Variants in NASP observed in about 807,000 individuals in gnomAD.
The protein encoded by NASP is NASP histone chaperone.
In NASP, 24 loss-of-function variants were observed where a neutral mutation model predicts 89.5. The ratio of observed to expected loss-of-function variants is 0.27; its 90% CI spans 0.19 to 0.38. The LOEUF (loss-of-function observed/expected upper bound fraction) is 0.38, where lower values mean the gene tolerates loss of function less well. Among genes scored for constraint, NASP ranks in the 10% least tolerant of loss-of-function variants. NASP has a pLI of 1.00. For synonymous variants in NASP, 306 were observed against 324.7 expected, an observed-to-expected ratio of 0.94 and a Z score of 0.62; for missense variants, 848 against 921.4, an observed-to-expected ratio of 0.92 and a Z score of 1.03.
At chr1:45,589,305 G>C (rs1643455543) in intron 1 of NASP, among the ~76,000 whole-genome samples, 1 of 151,874 alleles carries the variant, frequency 6.6e-6, no homozygotes. Flanking sequence ...TTTTATTTTT[G>C]GTAGAGATAG....
In NASP at chr1:45,586,284, GGTGTGTGTGTGTGTGTGTGTGTGTGGT is replaced by G. The variant is rs1405566470; in HGVS notation, c.59+2092_59+2118del. Among the ~76,000 whole-genome samples the G allele has an allele frequency of 7.0e-5, 7 of 100,534 alleles. No homozygotes were observed. In the East Asian group the frequency reaches 1.1e-3, roughly 16 times the overall value. The allele number at this position is 100,534 out of a possible 152,430, so 66.0% of individuals were successfully genotyped here. ...TGTGTGTGTGTGTGTGTGTGTGTGT[GGTGTGTGTGTGTGTGTGTGTGTGTGGT>G]GTGTGTGTGTGTCACCCAGGCTGGA... On this transcript the variant is annotated intron_variant, in intron 1 of 14. Transcript: ENST00000350030.
chr1:45,605,194 T>G (rs1345723520), intron 4 of NASP, among the ~76,000 whole-genome samples, 178 bp downstream of exon 4: 1 of 152,224 alleles, frequency 6.6e-6, no homozygotes, highest in Non-Finnish European at 1.5e-5. Context: ...AAGTTTTGAC[T>G]TTTGGAGTCA....
intron 1 of NASP, among the ~76,000 whole-genome samples, chr1:45,587,823 C>T (rs1380824274): frequency 6.6e-6 from 1 of 150,670 alleles, no homozygotes; most frequent in Non-Finnish European, 1.5e-5. Flanking sequence ...GCTGAGACTA[C>T]AGTTTACAAA....
chr1:45,591,240 C>T lies in NASP; in HGVS notation c.77C>T (p.Ala26Val), dbSNP rs1414384978. ...VSADKIEDVP[A>V]PSTSADKVES... ...TATTACAGAATTGAAGATGTTCCTGCTCCTTCTACATCTGCAGATAAAGTG... is the reference window on the plus strand; with the variant it reads ...TATTACAGAATTGAAGATGTTCCTGTTCCTTCTACATCTGCAGATAAAGTG... The change falls in exon 2 of 15, where the codon GCT becomes GTT. Residue 26 changes from alanine to valine, a missense_variant. Physicochemically the swap from Ala to Val is moderately conservative, Grantham distance 64. Transcript: ENST00000350030. The T allele has an allele frequency of 1.9e-6, 3 of 1,544,480 alleles. No individual in the cohort carries two copies. The highest frequency in any genetic ancestry group is 8.7e-7 in the Non-Finnish European group (1 of 1,148,350).
intron 1 of NASP, among the ~76,000 whole-genome samples, chr1:45,586,422 A>G (rs1319310990): frequency 1.3e-5 from 2 of 151,698 alleles, no homozygotes; most frequent in African/African-American, 4.8e-5. Context: ...AGTAGCTGGG[A>G]CTGCAGGCGC....
At position 45,601,170 on chromosome 1, in the gene NASP, G is replaced by A. The variant is rs934519498; in HGVS notation, c.108-1085G>A. On this transcript the variant is annotated intron_variant, in intron 2 of 14. Coordinates refer to ENST00000350030, the MANE Select transcript of NASP (RefSeq NM_002482.4). ...AAACCAAGTTTTTCATTTTAGTGGT[G>A]TGTCTAGTTTATTGATTTTTTTTCC... Among the ~76,000 whole-genome samples, 5 of 152,052 alleles carry A rather than the reference G, an allele frequency of 3.3e-5. No individual in the cohort carries two copies. The East Asian group carries it at 9.6e-4, about 29-fold the overall frequency.
intron 3 of NASP, among the ~76,000 whole-genome samples, chr1:45,604,306 T>A (rs188804333): frequency 8.5e-5 from 13 of 152,242 alleles, no homozygotes; most frequent in Non-Finnish European, 1.6e-4. Context: ...TTCTTCCTTC[T>A]GTCTAGATAT....
At chr1:45,610,884 T>C (rs1164642934) in intron 6 of NASP, 1 of 152,190 alleles carries the variant, frequency 6.6e-6, no homozygotes, top group Non-Finnish European at 1.5e-5. Flanking sequence ...CCCGACTAAT[T>C]TTTTTGTATT....
At chr1:45,602,788 T>C (rs1643868994) in intron 3 of NASP, among the ~76,000 whole-genome samples, 1 of 152,120 alleles carries the variant, frequency 6.6e-6, no homozygotes, top group African/African-American at 2.4e-5. Context: ...GCCCAGCTAA[T>C]TTTTGTATTT....
intron 6 of NASP, chr1:45,612,928 ACACT>A (rs1003462203): frequency 2.7e-6 from 1 of 367,150 alleles, no homozygotes; most frequent in Non-Finnish European, 4.6e-6. Context: ...TATAAGAGAA[ACACT>A]CAGCCTTTTA....
intron 1 of NASP, among the ~76,000 whole-genome samples, chr1:45,585,198 G>A (rs995421605): frequency 3.3e-5 from 5 of 152,182 alleles, no homozygotes; most frequent in Admixed American, 3.3e-4. Flanking sequence ...AACAAGTGCT[G>A]TTTCCCATAC....
rs778838858 is a variant in NASP at position 45,615,182 on chromosome 1, A to C, written c.1836A>C (p.Glu612Asp). The change falls in exon 10 of 15, where the codon GAA (glutamate) becomes GAC (aspartate). Residue 612 changes from glutamate (E) to aspartate (D), a missense_variant. Physicochemically the swap from Glu to Asp is conservative, Grantham distance 45. Transcript: ENST00000350030. ...TGGCACAGTTCAGCAAATCTATTGA[A>C]GTCATTGAGAACAGAATGGGTGAGT... ...EAVAQFSKSIEVIENRMAVLN... is the reference protein window; with the variant it reads ...EAVAQFSKSIDVIENRMAVLN... 7.4e-6 allele frequency: 12 copies of C among 1,614,040 alleles called. No homozygotes were observed. In the East Asian group the frequency reaches 2.5e-4, roughly 33 times the overall value.
intron 11 of NASP, 37 bp from the exon 12 acceptor site, chr1:45,616,300 T>C (rs752568590): frequency 1.2e-6 from 2 of 1,605,366 alleles, no homozygotes; most frequent in African/African-American, 1.3e-5. Flanking sequence ...GCCTGGGTTC[T>C]ATCTTCAAAC....
At chr1:45,613,925 T>C (rs1399939643) in intron 7 of NASP, among the ~76,000 whole-genome samples, 171 bp from the exon 8 acceptor site, 1 of 152,336 alleles carries the variant, frequency 6.6e-6, no homozygotes, top group African/African-American at 2.4e-5. Flanking sequence ...TGTTAAAATA[T>C]CAGTGACATG....
At chr1:45,613,066 G>A in intron 6 of NASP, 103 bp from the exon 7 acceptor site, 1 of 1,436,906 alleles carries the variant, frequency 7.0e-7, no homozygotes, top group Non-Finnish European at 9.2e-7. Flanking sequence ...TTAGCATCTG[G>A]CCTGTCCTAT....
At chr1:45,614,535 TTTG>T (rs1195067285) in intron 9 of NASP, among the ~76,000 whole-genome samples, 169 bp downstream of exon 9, 2 of 71,506 alleles carry the variant, frequency 2.8e-5, no homozygotes, top group Admixed American at 2.6e-4. Flanking sequence ...TTCCAGTAGG[TTTG>T]TTTTGTTTTG....
At chr1:45,602,562 G>A (rs1643866592) in intron 3 of NASP, among the ~76,000 whole-genome samples, 197 bp downstream of exon 3, 1 of 151,724 alleles carries the variant, frequency 6.6e-6, no homozygotes, top group Non-Finnish European at 1.5e-5. Flanking sequence ...ATTTTCCTGA[G>A]TATGTAATTT....
In NASP at chr1:45,606,472, G is replaced by T. The variant is rs1017926613; in HGVS notation, c.300-10G>T. 3 of 1,595,800 alleles carry T rather than the reference G, an allele frequency of 1.9e-6. No individual in the cohort carries two copies. Among genetic ancestry groups the T allele is most frequent in the African/African-American group, 2.7e-5 (2 of 74,486 alleles). ...CATCAAACCTTTGGTGCTTTCTTTT[G>T]TTCTCCTAGAATGGAGAATGGTGTG... On this transcript the variant is annotated splice_polypyrimidine_tract_variant and intron_variant, in intron 4 of 14. Coordinates refer to ENST00000350030, the MANE Select transcript of NASP (RefSeq NM_002482.4).
intron 1 of NASP, among the ~76,000 whole-genome samples, chr1:45,584,732 C>T (rs949294635): frequency 6.6e-6 from 1 of 152,058 alleles, no homozygotes; most frequent in South Asian, 2.1e-4. Context: ...GTTCGCTTCC[C>T]TCGCCGGCCC....
Sources: allele counts gnomAD v4.1 joint callset (sites outside exome capture counted in the v4.1 genomes callset), GRCh38; gene constraint gnomAD v4.1.1; transcripts MANE v1.5; gene names NCBI Gene and HGNC (gene_info 2026-07-23, HGNC 2026-07-21).